The following SLC13A3 variants were observed in gnomAD, a reference collection of about 807,000 sequenced individuals.
SLC13A3 encodes solute carrier family 13 member 3.
SLC13A3 carries 40 observed loss-of-function variants against 59.0 expected under a neutral mutation model. The observed-to-expected ratio is 0.68, with a 90% confidence interval of 0.53 to 0.88. The LOEUF (loss-of-function observed/expected upper bound fraction) is 0.88. Among genes scored for constraint, SLC13A3 ranks in the 40% least tolerant of loss-of-function variants. The pLI is 0.00. For synonymous variants in SLC13A3, 317 were observed against 330.3 expected (o/e 0.96, Z 0.44); for missense variants, 699 against 783.2 (o/e 0.89, Z 1.28).
chr20:46,667,329 G>T (rs988214963), intron 1 of SLC13A3, among the ~76,000 whole-genome samples: 3 of 152,148 alleles, frequency 2.0e-5, no homozygotes, highest in African/African-American at 7.2e-5. Context: ...AAGGAACTCT[G>T]GTCCATGCCC....
intron 4 of SLC13A3, among the ~76,000 whole-genome samples, chr20:46,599,167 A>G (rs1391675135): frequency 6.6e-6 from 1 of 152,252 alleles, no homozygotes; most frequent in Non-Finnish European, 1.5e-5. Flanking sequence ...GTAAGCCCAT[A>G]AGGGCTGGGC....
At chr20:46,674,596 CGCGCGCGCGTGTGTGT>C (rs1333520679), upstream of SLC13A3, among the ~76,000 whole-genome samples, 1 of 70,372 alleles carries the variant, frequency 1.4e-5, no homozygotes, top group African/African-American at 4.6e-5. Context: ...AGTGCGCGCG[CGCGCGCGCGTGTGTGT>C]GTGTGTGTGT....
chr20:46,625,228 T>C (rs986788299), intron 1 of SLC13A3, among the ~76,000 whole-genome samples: 2 of 152,190 alleles, frequency 1.3e-5, no homozygotes, highest in Non-Finnish European at 2.9e-5. Flanking sequence ...TGTAGAGCCC[T>C]CAGGAAGGGG....
rs1338716022 is a variant in SLC13A3 at position 46,613,098 on chromosome 20, A to T, written c.377+362T>A. On this transcript the variant is annotated intron_variant, in intron 2 of 12. Transcript: ENST00000279027. ...GTTAAGTTATTTTTCAGAGCAGGTCACCTGGGATTCAGCCCTGAGCAGTCA... is the reference window on the plus strand; with the variant it reads ...GTTAAGTTATTTTTCAGAGCAGGTCTCCTGGGATTCAGCCCTGAGCAGTCA... Among the ~76,000 whole-genome samples the T allele has an allele frequency of 2.6e-5, 4 of 152,140 alleles. No individual in the cohort carries two copies. In the East Asian group the frequency reaches 7.7e-4, roughly 29 times the overall value.
At position 46,596,400 on chromosome 20, in the gene SLC13A3, G is replaced by T. The variant is rs79949250; in HGVS notation, c.609-58C>A. The T allele has an allele frequency of 4.5e-3, 6,780 of 1,510,104 alleles. 224 individuals carry two copies. The East Asian group carries it at 0.087, about 19-fold the overall frequency. The allele number at this position is 1,510,104 out of a possible 1,614,324, so 93.5% of individuals were successfully genotyped here. A position where few individuals can be genotyped will look rare whatever the true frequency, so the allele number is the denominator to read the frequency against. On this transcript the variant is annotated intron_variant, in intron 4 of 12. Transcript: ENST00000279027. ...ATACATGGAGAACAGGCCACAGACT[G>T]CCTGGGAGTTGGGGAGCTAAGTGAT...
chr20:46,582,750 C>A (rs1367237441), intron 9 of SLC13A3: 2 of 985,346 alleles, frequency 2.0e-6, no homozygotes, highest in South Asian at 4.7e-5. Context: ...TTTTTCTCAA[C>A]AATAGAAAAT....
At position 46,613,616 on chromosome 20, in the gene SLC13A3, C is replaced by T. The variant is rs1261070883; in HGVS notation, c.221G>A (p.Gly74Asp). ...GCAGACCTTGTTGGAGGGCAAGATG[C>T]CCATGAAGGGGAAGAGGACGATGGG... ...LLPIVLFPFM[G>D]ILPSNKVCPQ... Residue 74 changes from glycine to aspartate, a missense_variant, in exon 2 of 13, where the codon GGC becomes GAC. Gly to Asp is a moderately conservative substitution (Grantham distance 94). Coordinates refer to ENST00000279027, the MANE Select transcript of SLC13A3 (RefSeq NM_022829.6). 6.2e-7 allele frequency: 1 copy of T among 1,612,468 alleles called. No individual in the cohort carries two copies. The highest frequency in any genetic ancestry group is 1.7e-5 in the Admixed American group (1 of 59,652).
chr20:46,607,100 G>A (rs936068735), intron 3 of SLC13A3, among the ~76,000 whole-genome samples: 5 of 152,194 alleles, frequency 3.3e-5, no homozygotes, highest in Admixed American at 6.5e-5. Flanking sequence ...GCAAATCATC[G>A]TGTTACTTTG....
chr20:46,567,170 C>A (rs773150473), intron 10 of SLC13A3, among the ~76,000 whole-genome samples: 2 of 151,870 alleles, frequency 1.3e-5, no homozygotes, highest in Non-Finnish European at 2.9e-5. Flanking sequence ...CCAGCCTGGG[C>A]GACAGAAACT....
At chr20:46,596,041 TCCCAGAGCCTGG>T (rs1397721432) in intron 5 of SLC13A3, 104 bp downstream of exon 5, 4 of 953,226 alleles carry the variant, frequency 4.2e-6, no homozygotes, top group Middle Eastern at 3.4e-4. Context: ...ATTGCTGTGT[TCCCAGAGCCTGG>T]CCCAGAGAAG....
chr20:46,611,902 T>C (rs1043527629), intron 2 of SLC13A3, among the ~76,000 whole-genome samples: 1 of 152,302 alleles, frequency 6.6e-6, no homozygotes, highest in East Asian at 1.9e-4. Flanking sequence ...TATAAGTCTA[T>C]GGATATAATT....
At chr20:46,627,957 G>A (rs1042608512) in intron 1 of SLC13A3, among the ~76,000 whole-genome samples, 6 of 151,472 alleles carry the variant, frequency 4.0e-5, no homozygotes, top group East Asian at 1.9e-4. Flanking sequence ...GCCCTGGTCC[G>A]TTTGAAATAG....
At chr20:46,563,053 C>T (rs1484026215) in intron 12 of SLC13A3, among the ~76,000 whole-genome samples, 1 of 152,192 alleles carries the variant, frequency 6.6e-6, no homozygotes, top group Non-Finnish European at 1.5e-5. Flanking sequence ...CAGTCCTCCG[C>T]TTCTGTCTCC....
chr20:46,656,763 C>G (rs779689531), intron 1 of SLC13A3, among the ~76,000 whole-genome samples: 1 of 151,824 alleles, frequency 6.6e-6, no homozygotes, highest in Admixed American at 6.6e-5. Context: ...GATGTTAGCT[C>G]TTTTGCTGTA....
At chr20:46,578,225 C>T (rs886673382) in intron 9 of SLC13A3, among the ~76,000 whole-genome samples, 17 of 151,878 alleles carry the variant, frequency 1.1e-4, no homozygotes, top group Admixed American at 3.3e-4. Context: ...CCACCACGCC[C>T]GGTCAGTCCT....
intron 4 of SLC13A3, among the ~76,000 whole-genome samples, chr20:46,597,498 A>G (rs535997904): frequency 9.9e-5 from 15 of 152,178 alleles, no homozygotes; most frequent in African/African-American, 3.1e-4. Context: ...GTGCAATGGC[A>G]TGATCTCGGC....
Position 46,581,928 on chromosome 20 carries a change from C to T in SLC13A3, c.1219+1644G>A, listed in dbSNP as rs77810817. On this transcript the variant is annotated intron_variant, in intron 9 of 12. Coordinates refer to ENST00000279027, the MANE Select transcript of SLC13A3 (RefSeq NM_022829.6). ...CTGAATCCTGTTCAACTGCAGAGTA[C>T]GCAGGCCCACAGCTAAGCCTCCTTA... Among the ~76,000 whole-genome samples the T allele has an allele frequency of 8.6e-3, 1,306 of 152,236 alleles. 15 individuals carry two copies. The highest frequency in any genetic ancestry group is 0.03 in the African/African-American group (1,236 of 41,518).
intron 5 of SLC13A3, among the ~76,000 whole-genome samples, chr20:46,593,787 A>G (rs896640411): frequency 2.0e-5 from 3 of 152,166 alleles, no homozygotes; most frequent in African/African-American, 7.2e-5. Flanking sequence ...ATAAAATCAG[A>G]CTATAAAACT....
intron 1 of SLC13A3, among the ~76,000 whole-genome samples, chr20:46,626,690 C>T (rs847074): frequency 0.012 from 1,796 of 152,234 alleles, 25 homozygotes; most frequent in African/African-American, 0.041. Context: ...CCCCTCATCC[C>T]CTGACCTTCC....
Sources: allele counts gnomAD v4.1 joint callset (sites outside exome capture counted in the v4.1 genomes callset), GRCh38; gene constraint gnomAD v4.1.1; transcripts MANE v1.5; gene names NCBI Gene and HGNC (gene_info 2026-07-23, HGNC 2026-07-21).